MEF2A: variants seen among roughly 807,000 people sequenced by gnomAD.
MEF2A encodes the protein myocyte enhancer factor 2A.
A neutral mutation model predicts 55.8 loss-of-function variants in MEF2A; 28 were observed. That is an observed-to-expected ratio of 0.50 (90% CI 0.37 to 0.69). The LOEUF is 0.69. MEF2A is among the 30% of genes least tolerant of loss of function. The pLI, the probability that MEF2A is intolerant of heterozygous loss-of-function variation, is 0.00. For missense variants in MEF2A, 528 were observed against 626.2 expected (o/e 0.84, Z 1.67); for synonymous variants, 239 against 227.1 (o/e 1.05, Z -0.47).
chr15:99,622,203 A>T lies in MEF2A; in HGVS notation c.-142-10775A>T, dbSNP rs775936698. On this transcript the variant is annotated intron_variant, in intron 2 of 11. Coordinates refer to ENST00000557942, the MANE Select transcript of MEF2A (RefSeq NM_001319206.4). ...TCCTGATTTTTTAAAAACATGACAC[A>T]TTTTTTTCAGTTACCTGAGTATTCA... Among the ~76,000 whole-genome samples the T allele has an allele frequency of 4.9e-4, 75 of 152,210 alleles. 1 individual carries two copies. The highest frequency in any genetic ancestry group is 9.0e-4 in the Non-Finnish European group (61 of 67,984).
chr15:99,595,888 A>G (rs181573837), intron 1 of MEF2A, among the ~76,000 whole-genome samples: 6 of 152,312 alleles, frequency 3.9e-5, no homozygotes, highest in Admixed American at 3.9e-4. Flanking sequence ...GTGTGTGTCA[A>G]CGGGTAGTCG....
At chr15:99,652,450 C>T (rs531924329) in intron 4 of MEF2A, among the ~76,000 whole-genome samples, 3 of 152,168 alleles carry the variant, frequency 2.0e-5, no homozygotes, top group South Asian at 2.1e-4. Flanking sequence ...TCTGTGGCCC[C>T]GGGGGTTAGG....
At chr15:99,589,675 A>T (rs2152951915) in intron 1 of MEF2A, among the ~76,000 whole-genome samples, 1 of 152,108 alleles carries the variant, frequency 6.6e-6, no homozygotes, top group African/African-American at 2.4e-5. Context: ...ACCCTATATA[A>T]TCTAATCATG....
intron 4 of MEF2A, among the ~76,000 whole-genome samples, chr15:99,652,477 G>T (rs142878442): frequency 6.6e-6 from 1 of 152,138 alleles, no homozygotes; most frequent in East Asian, 1.9e-4. Flanking sequence ...TGCTTTAAAG[G>T]TTATGGTAGG....
At chr15:99,571,526 CA>C (rs1199166204) in intron 1 of MEF2A, among the ~76,000 whole-genome samples, 2 of 152,150 alleles carry the variant, frequency 1.3e-5, no homozygotes, top group Admixed American at 1.3e-4. Context: ...TTTCAGCCAT[CA>C]CCTTTCAGTT....
intron 4 of MEF2A, among the ~76,000 whole-genome samples, chr15:99,662,564 T>A (rs1377643032): frequency 6.6e-6 from 1 of 151,430 alleles, no homozygotes; most frequent in Non-Finnish European, 1.5e-5. Context: ...AACCTCCACC[T>A]CCTGGGGTTA....
chr15:99,591,754 C>A (rs1471918007), intron 1 of MEF2A, among the ~76,000 whole-genome samples: 1 of 151,986 alleles, frequency 6.6e-6, no homozygotes, highest in Non-Finnish European at 1.5e-5. Flanking sequence ...TTCTTTTCTG[C>A]AGTTTGATCT....
At chr15:99,706,892 C>T (rs752888848) in intron 10 of MEF2A, 37 bp downstream of exon 10, 3 of 1,595,342 alleles carry the variant, frequency 1.9e-6, no homozygotes, top group South Asian at 2.3e-5. Flanking sequence ...GGTTTTACCG[C>T]TCTCTGTTTT....
intron 7 of MEF2A, among the ~76,000 whole-genome samples, chr15:99,689,185 A>C (rs1368290884): frequency 1.3e-5 from 2 of 152,250 alleles, no homozygotes; most frequent in Non-Finnish European, 2.9e-5. Flanking sequence ...AAGATGATTA[A>C]AGTGAGATAA....
chr15:99,712,911 G>T lies in MEF2A; in HGVS notation c.*140G>T, dbSNP rs1758439548. On this transcript the variant is annotated 3_prime_UTR_variant, in exon 12 of 12. Transcript: ENST00000557942. This position sits in a 1 kb window ranked among gnomAD's most constrained non-coding sequence, Gnocchi z 4.1. ...TCCCTTTACATATATATGTATGTGGGTGTGAGTGTGTATGTGTGGGTGTGT... is the reference window on the plus strand; with the variant it reads ...TCCCTTTACATATATATGTATGTGGTTGTGAGTGTGTATGTGTGGGTGTGT... The T allele has an allele frequency of 1.1e-6, 1 of 940,842 alleles. No individual in the cohort carries two copies. Among genetic ancestry groups the T allele is most frequent in the Non-Finnish European group, 1.5e-6 (1 of 660,156 alleles). The allele number at this position is 940,842 out of a possible 1,614,324, so 58.3% of individuals were successfully genotyped here.
intron 1 of MEF2A, among the ~76,000 whole-genome samples, chr15:99,577,774 T>C (rs1161653405): frequency 6.6e-6 from 1 of 152,064 alleles, no homozygotes; most frequent in Non-Finnish European, 1.5e-5. Context: ...TATTAACTCA[T>C]TTTTTTTGTT....
chr15:99,712,916 A>ACTGT lies in MEF2A; in HGVS notation c.*145_*146insCTGT. The ACTGT allele has an allele frequency of 1.1e-6, 1 of 899,942 alleles. No homozygotes were observed. Among genetic ancestry groups the ACTGT allele is most frequent in the Non-Finnish European group, 1.7e-6 (1 of 603,206 alleles). The allele number at this position is 899,942 out of a possible 1,614,324, so 55.7% of individuals were successfully genotyped here. On this transcript the variant is annotated 3_prime_UTR_variant, in exon 12 of 12. Coordinates refer to ENST00000557942, the MANE Select transcript of MEF2A (RefSeq NM_001319206.4). The surrounding 1 kb of genome is among the most constrained non-coding windows in gnomAD (Gnocchi z 4.1). ...TTACATATATATGTATGTGGGTGTG[A>ACTGT]GTGTGTATGTGTGGGTGTGTGTTAC... is the stretch of plus-strand genomic sequence containing the variant.
intron 1 of MEF2A, among the ~76,000 whole-genome samples, chr15:99,582,902 G>A (rs1966349857): frequency 6.6e-6 from 1 of 152,066 alleles, no homozygotes; most frequent in Non-Finnish European, 1.5e-5. Flanking sequence ...ACAGTTACTA[G>A]GTAATGTGCA....
At chr15:99,649,469 T>C (rs2046490745) in intron 4 of MEF2A, among the ~76,000 whole-genome samples, 1 of 152,200 alleles carries the variant, frequency 6.6e-6, no homozygotes, top group Admixed American at 6.5e-5. Flanking sequence ...CAAAGAATGT[T>C]GTCAAAAACA....
intron 4 of MEF2A, among the ~76,000 whole-genome samples, chr15:99,670,471 G>A (rs1043807580): frequency 2.6e-4 from 40 of 152,238 alleles, no homozygotes; most frequent in Admixed American, 9.2e-4. Context: ...TTAGCCGGGC[G>A]TGGTGGCGGG....
chr15:99,588,495 A>G (rs533662960), intron 1 of MEF2A, among the ~76,000 whole-genome samples: 1 of 151,096 alleles, frequency 6.6e-6, no homozygotes, highest in South Asian at 2.1e-4. Flanking sequence ...TAGCAGACTC[A>G]AGGTTTCACC....
intron 1 of MEF2A, among the ~76,000 whole-genome samples, chr15:99,597,913 C>T (rs1438998073): frequency 1.3e-5 from 2 of 152,082 alleles, no homozygotes; most frequent in Non-Finnish European, 2.9e-5. Flanking sequence ...TCATTGTTCC[C>T]TTTAAAATAT....
At position 99,713,011 on chromosome 15, in the gene MEF2A, A is replaced by G; in HGVS notation, c.*240A>G. 1 of 537,670 alleles carries G rather than the reference A, an allele frequency of 1.9e-6. No individual in the cohort carries two copies. Among genetic ancestry groups the G allele is most frequent in the Non-Finnish European group, 3.3e-6 (1 of 306,946 alleles). The allele number at this position is 537,670 out of a possible 1,614,324, so 33.3% of individuals were successfully genotyped here. A position where few individuals can be genotyped will look rare whatever the true frequency, so the allele number is the denominator to read the frequency against. On this transcript the variant is annotated 3_prime_UTR_variant, in exon 12 of 12. Transcript: ENST00000557942. ...CAGATGTGTGTCCCATGGCAGACAA[A>G]GCACCCTGTAGGCACAGACAAGTCT...
intron 1 of MEF2A, among the ~76,000 whole-genome samples, chr15:99,590,695 T>C (rs1968970390): frequency 6.6e-6 from 1 of 151,990 alleles, no homozygotes; most frequent in African/African-American, 2.4e-5. Context: ...ACATGAATCT[T>C]GAACTTATCG....
Sources: gnomAD v4.1 joint callset for allele counts (sites outside exome capture counted in the v4.1 genomes callset) on GRCh38, gnomAD v4.1.1 for gene constraint, Gnocchi (gnomAD v3.1) non-coding constraint, MANE v1.5 for transcripts, NCBI Gene and HGNC (gene_info 2026-07-23, HGNC 2026-07-21) for gene names.